The following RREB1 variants were observed in gnomAD, a reference collection of about 807,000 sequenced individuals.
The protein encoded by RREB1 is ras responsive element binding protein 1.
A neutral mutation model predicts 117.8 loss-of-function variants in RREB1; 27 were observed. The observed-to-expected ratio is 0.23, with a 90% CI of 0.17 to 0.32. The LOEUF is 0.32. RREB1 is among the 10% of genes least tolerant of loss of function. The probability of loss-of-function intolerance (pLI) is 1.00; values close to 1 mark genes in which losing one functional copy is unlikely to be tolerated. For synonymous variants in RREB1, 1,298 were observed against 1,026.7 expected, an observed-to-expected ratio of 1.26 and a Z score of -5.05; for missense variants, 2,577 against 2,378.2, an observed-to-expected ratio of 1.08 and a Z score of -1.74.
At chr6:7,247,573 G>A (rs1769163611) in intron 12 of RREB1, among the ~76,000 whole-genome samples, 1 of 152,190 alleles carries the variant, frequency 6.6e-6, no homozygotes, top group African/African-American at 2.4e-5. Flanking sequence ...CTGGGCATTT[G>A]GGCCACTTAG....
chr6:7,121,597 G>C (rs1487400208), intron 1 of RREB1, among the ~76,000 whole-genome samples: 2 of 152,062 alleles, frequency 1.3e-5, no homozygotes, highest in Non-Finnish European at 2.9e-5. Flanking sequence ...CCCTCCACTA[G>C]ATCTCCTTTG....
intron 1 of RREB1, among the ~76,000 whole-genome samples, chr6:7,168,543 T>C (rs1764068986): frequency 6.6e-6 from 1 of 152,160 alleles, no homozygotes; most frequent in Admixed American, 6.5e-5. Context: ...CTCATTACCT[T>C]ATCTGGCCTG....
chr6:7,111,090 C>G (rs1158038022), intron 1 of RREB1, among the ~76,000 whole-genome samples: 1 of 152,194 alleles, frequency 6.6e-6, no homozygotes, highest in Non-Finnish European at 1.5e-5. Flanking sequence ...GTATCCAACA[C>G]AGGTACAGCG....
intron 1 of RREB1, among the ~76,000 whole-genome samples, chr6:7,143,851 CTTTTTTTT>C (rs11365387): frequency 2.5e-4 from 22 of 89,382 alleles, no homozygotes; most frequent in Non-Finnish European, 4.1e-4. Context: ...TTTTTTCTTT[CTTTTTTTT>C]TTTTTTTTTT....
rs960803180 is a variant in RREB1, at chr6:7,231,254, T to C, written c.3155T>C (p.Leu1052Pro). Residue 1052 changes from leucine (L) to proline (P), a missense_variant, in exon 10 of 13, where the codon CTT becomes CCT. Transcript: ENST00000379938. ...LRPLRPKPPLLLPKPPVTEEL... is the reference protein window; with the variant it reads ...LRPLRPKPPLPLPKPPVTEEL... The stretch of plus-strand genomic sequence containing the variant: ...CCACTGCGGCCCAAGCCCCCGCTGC[T>C]TTTGCCAAAGCCCCCCGTGACAGAA... The C allele has an allele frequency of 2.5e-6, 4 of 1,612,246 alleles. No homozygotes were observed. Among genetic ancestry groups the C allele is most frequent in the African/African-American group, 1.3e-5 (1 of 74,862 alleles).
chr6:7,231,866 C>T lies in RREB1; in HGVS notation c.3767C>T (p.Pro1256Leu), dbSNP rs773472254. The T allele has an allele frequency of 1.2e-6, 2 of 1,612,682 alleles. No homozygotes were observed. Among genetic ancestry groups the T allele is most frequent in the South Asian group, 1.1e-5 (1 of 90,942 alleles). ...ITCPHCPRVF[P>L]WASSLQRHML... is the part of the protein sequence containing the mutation. ...TGTCCCCACTGTCCCCGGGTTTTCCCTTGGGCCAGCTCCCTACAGAGGCAC... is the reference window on the plus strand; with the variant it reads ...TGTCCCCACTGTCCCCGGGTTTTCCTTTGGGCCAGCTCCCTACAGAGGCAC... Residue 1256 changes from proline (P) to leucine (L), a missense_variant, in exon 10 of 13, where the codon CCT becomes CTT. Coordinates refer to ENST00000379938, the MANE Select transcript of RREB1 (RefSeq NM_001003699.4).
chr6:7,200,655 A>T (rs1232204946), intron 6 of RREB1, among the ~76,000 whole-genome samples: 1 of 152,220 alleles, frequency 6.6e-6, no homozygotes, highest in Non-Finnish European at 1.5e-5. Context: ...AATTGAATTG[A>T]CCAAGTTCAT....
At chr6:7,207,675 T>G (rs568114664) in intron 6 of RREB1, among the ~76,000 whole-genome samples, 1 of 152,324 alleles carries the variant, frequency 6.6e-6, no homozygotes, top group African/African-American at 2.4e-5. Flanking sequence ...GAAGGATACC[T>G]GTACGCTGGA....
intron 7 of RREB1, 30 bp from the exon 8 acceptor site, chr6:7,211,543 C>T (rs778332298): frequency 1.9e-6 from 3 of 1,611,878 alleles, no homozygotes; most frequent in African/African-American, 1.3e-5. Context: ...GGGAGACCTT[C>T]ATGACTTCAC....
Position 7,230,567 on chromosome 6 carries a change from G to C in RREB1, c.2468G>C (p.Ser823Thr), listed in dbSNP as rs745564844. The change falls in exon 10 of 13, where the codon AGC becomes ACC. Residue 823 changes from serine (S) to threonine (T), a missense_variant. By Grantham distance (58) the Ser-to-Thr change is moderately conservative. Transcript: ENST00000379938. Reference sequence around the variant, plus strand: ...CACGTGCCCGAGCAGGACATCGAGAGCTACGTGCTGGCCGCCGACGGCCTG... The same window carrying C: ...CACGTGCCCGAGCAGGACATCGAGACCTACGTGCTGGCCGCCGACGGCCTG... ...HLHVPEQDIE[S>T]YVLAADGLGP... The C allele has an allele frequency of 6.2e-7, 1 of 1,601,766 alleles. No individual in the cohort carries two copies. The highest frequency in any genetic ancestry group is 1.3e-5 in the African/African-American group (1 of 74,800).
chr6:7,205,885 T>TACTCCTA (rs1307941206), intron 6 of RREB1, among the ~76,000 whole-genome samples: 1 of 152,212 alleles, frequency 6.6e-6, no homozygotes, highest in Non-Finnish European at 1.5e-5. Context: ...AATCAGCATC[T>TACTCCTA]ACTCCTAGAT....
At chr6:7,218,594 T>C (rs1287341435) in intron 8 of RREB1, 2 of 152,190 alleles carry the variant, frequency 1.3e-5, no homozygotes, top group African/African-American at 2.4e-5. Context: ...GGTACTAGGC[T>C]CAGTTACTGG....
At chr6:7,194,957 G>A (rs1374316974) in intron 6 of RREB1, among the ~76,000 whole-genome samples, 2 of 152,148 alleles carry the variant, frequency 1.3e-5, no homozygotes, top group African/African-American at 2.4e-5. Flanking sequence ...AGTATTATCC[G>A]TACCTACCGC....
intron 1 of RREB1, among the ~76,000 whole-genome samples, chr6:7,143,286 A>G (rs1429780606): frequency 3.3e-5 from 5 of 152,192 alleles, no homozygotes; most frequent in Admixed American, 6.5e-5. Flanking sequence ...TGGAACTCTG[A>G]CAGTTTTCAG....
chr6:7,117,330 C>T (rs1456949588), intron 1 of RREB1, among the ~76,000 whole-genome samples: 2 of 146,890 alleles, frequency 1.4e-5, no homozygotes, highest in East Asian at 2.0e-4. Flanking sequence ...GGGAGATAAC[C>T]AGGAAGATGG....
chr6:7,193,879 A>C (rs1345885193), intron 6 of RREB1, among the ~76,000 whole-genome samples: 1 of 152,232 alleles, frequency 6.6e-6, no homozygotes. Flanking sequence ...TTCAGATTTC[A>C]GATTTTCTGA....
At chr6:7,226,350 T>A in intron 8 of RREB1, 117 bp from the exon 9 acceptor site, 1 of 692,620 alleles carries the variant, frequency 1.4e-6, no homozygotes, top group African/African-American at 1.8e-5. Context: ...ATTTTTATTT[T>A]ACTCAATTGA....
intron 1 of RREB1, among the ~76,000 whole-genome samples, chr6:7,147,494 T>C (rs1762922964): frequency 6.6e-6 from 1 of 152,200 alleles, no homozygotes; most frequent in African/African-American, 2.4e-5. Flanking sequence ...TGCTGGGATA[T>C]TTGGATATTA....
intron 6 of RREB1, among the ~76,000 whole-genome samples, chr6:7,193,219 G>A (rs188718965): frequency 1.3e-5 from 2 of 152,302 alleles, no homozygotes; most frequent in Admixed American, 6.5e-5. Flanking sequence ...TTCAAACTTT[G>A]TGAATGTACT....
Sources: allele counts gnomAD v4.1 joint callset (sites outside exome capture counted in the v4.1 genomes callset), GRCh38; gene constraint gnomAD v4.1.1; transcripts MANE v1.5; gene names NCBI Gene and HGNC (gene_info 2026-07-23, HGNC 2026-07-21).